Variants in DMRT1 observed in about 807,000 individuals in gnomAD.
DMRT1 encodes doublesex and mab-3 related transcription factor 1.
DMRT1 carries 7 observed loss-of-function variants against 32.3 expected under a neutral mutation model. That is an observed-to-expected ratio of 0.22 (90% confidence interval 0.12 to 0.41). The LOEUF (loss-of-function observed/expected upper bound fraction) is 0.41. Among genes scored for constraint, DMRT1 ranks in the 10% least tolerant of loss-of-function variants. The probability of loss-of-function intolerance (pLI) is 1.00; values close to 1 mark genes in which losing one functional copy is unlikely to be tolerated. For missense variants in DMRT1, 625 were observed against 500.5 expected, an observed-to-expected ratio of 1.25 and a Z score of -2.37; for synonymous variants, 278 against 206.1, an observed-to-expected ratio of 1.35 and a Z score of -2.99.
At chr9:939,706 G>C (rs1436802393) in intron 4 of DMRT1, among the ~76,000 whole-genome samples, 1 of 152,082 alleles carries the variant, frequency 6.6e-6, no homozygotes, top group Non-Finnish European at 1.5e-5. Flanking sequence ...AGCTCACGGG[G>C]GGAAAAGTCA....
intron 2 of DMRT1, among the ~76,000 whole-genome samples, chr9:868,222 G>T (rs1349740561): frequency 6.6e-6 from 1 of 152,170 alleles, no homozygotes; most frequent in African/African-American, 2.4e-5. Flanking sequence ...CAAGCGATCT[G>T]CCTGTTTCTG....
intron 2 of DMRT1, among the ~76,000 whole-genome samples, chr9:883,138 T>C (rs147536781): frequency 6.6e-6 from 1 of 152,062 alleles, no homozygotes; most frequent in East Asian, 1.9e-4. Context: ...CTGTCCCACA[T>C]TGACGCTGCA....
chr9:906,389 T>C (rs1817779301), intron 3 of DMRT1, among the ~76,000 whole-genome samples: 1 of 152,254 alleles, frequency 6.6e-6, no homozygotes. Context: ...AGTATCCTAA[T>C]GTTTCTGACA....
chr9:880,724 CAAAAAA>C (rs754419367), intron 2 of DMRT1, among the ~76,000 whole-genome samples: 4 of 62,100 alleles, frequency 6.4e-5, no homozygotes, highest in African/African-American at 1.5e-4. Flanking sequence ...AACTCAGTCT[CAAAAAA>C]AAAAAAAAAA....
At chr9:888,722 C>G (rs1037288487) in intron 2 of DMRT1, among the ~76,000 whole-genome samples, 6 of 142,320 alleles carry the variant, frequency 4.2e-5, no homozygotes, top group African/African-American at 1.7e-4. Flanking sequence ...AGGACTGTCA[C>G]AGCGATGCAG....
chr9:899,180 A>G (rs554989163), intron 3 of DMRT1, among the ~76,000 whole-genome samples: 2 of 152,306 alleles, frequency 1.3e-5, no homozygotes, highest in East Asian at 1.9e-4. Flanking sequence ...AAAAAAATCA[A>G]TATTTTAAAA....
chr9:922,504 T>C (rs1818387748), intron 4 of DMRT1, among the ~76,000 whole-genome samples: 1 of 152,202 alleles, frequency 6.6e-6, no homozygotes, highest in African/African-American at 2.4e-5. Flanking sequence ...TAGAGGTGGG[T>C]GGCACTGCAC....
In DMRT1 at chr9:937,333, C is replaced by T. The variant is rs1353154335; in HGVS notation, c.967+20426C>T. Among the ~76,000 whole-genome samples, 3 of 152,200 alleles carry T rather than the reference C, an allele frequency of 2.0e-5. No individual in the cohort carries two copies. The East Asian group carries it at 5.8e-4, about 29-fold the overall frequency. On this transcript the variant is annotated intron_variant, in intron 4 of 4. Coordinates refer to ENST00000382276, the MANE Select transcript of DMRT1 (RefSeq NM_021951.3). The stretch of plus-strand genomic sequence containing the variant: ...GGTGTACAAGTATCTGTGTGAGTAC[C>T]TGCTTTCAGTTCTTCTGGATATATA...
intron 2 of DMRT1, among the ~76,000 whole-genome samples, chr9:878,777 C>G (rs1816614193): frequency 6.6e-6 from 1 of 152,184 alleles, no homozygotes; most frequent in Admixed American, 6.5e-5. Flanking sequence ...ATTGAGCACT[C>G]AACACGTGGC....
At position 968,220 on chromosome 9, in the gene DMRT1, T is replaced by C. The variant is rs568712060; in HGVS notation, c.*81T>C. 12 of 1,519,000 alleles carry C rather than the reference T, an allele frequency of 7.9e-6. No homozygotes were observed. The South Asian group carries it at 1.4e-4, about 18-fold the overall frequency. 94.1% of individuals were successfully genotyped at this position (1,519,000 alleles called of 1,614,324 possible). On this transcript the variant is annotated 3_prime_UTR_variant, in exon 5 of 5. Transcript: ENST00000382276. ...CATGGGGTTTGTTAATATTTTGCAT[T>C]GACTCATACTATCTTAACTGTTGAG...
intron 2 of DMRT1, among the ~76,000 whole-genome samples, chr9:893,668 C>A (rs1005383320): frequency 6.6e-6 from 1 of 152,232 alleles, no homozygotes; most frequent in East Asian, 1.9e-4. Context: ...ATTAAAATCA[C>A]CTCTAAAATG....
intron 3 of DMRT1, among the ~76,000 whole-genome samples, chr9:915,500 G>GCCACTC (rs1051982091): frequency 6.6e-6 from 1 of 151,930 alleles, no homozygotes; most frequent in East Asian, 1.9e-4. Context: ...ACATGCAGCT[G>GCCACTC]CCACTGGAGG....
chr9:937,295 T>C (rs982968129), intron 4 of DMRT1, among the ~76,000 whole-genome samples: 1 of 152,260 alleles, frequency 6.6e-6, no homozygotes, highest in Non-Finnish European at 1.5e-5. Flanking sequence ...GAAATAATGC[T>C]GCTGTGAAGT....
At chr9:876,303 C>A (rs567089857) in intron 2 of DMRT1, among the ~76,000 whole-genome samples, 14 of 150,980 alleles carry the variant, frequency 9.3e-5, no homozygotes, top group African/African-American at 3.5e-4. Flanking sequence ...AAGTCAGGGG[C>A]TTTGGGCCAG....
intron 4 of DMRT1, among the ~76,000 whole-genome samples, chr9:919,019 G>A (rs1156385272): frequency 6.6e-6 from 1 of 152,154 alleles, no homozygotes; most frequent in Non-Finnish European, 1.5e-5. Context: ...AGCCCTTCTG[G>A]GAGGTGGGGC....
chr9:852,576 T>A (rs1252090550), intron 2 of DMRT1, among the ~76,000 whole-genome samples: 1 of 152,212 alleles, frequency 6.6e-6, no homozygotes, highest in Non-Finnish European at 1.5e-5. Flanking sequence ...CATAGTTCTC[T>A]TCCTCTCCTT....
chr9:968,196 A>G lies in DMRT1; in HGVS notation c.*57A>G, dbSNP rs1356806520. ...GAGTAACAGGCTTATTCCACTTTCC[A>G]TGGGGTTTGTTAATATTTTGCATTG... is the stretch of plus-strand genomic sequence containing the variant. On this transcript the variant is annotated 3_prime_UTR_variant, in exon 5 of 5. Coordinates refer to ENST00000382276, the MANE Select transcript of DMRT1 (RefSeq NM_021951.3). 1 of 1,600,756 alleles carries G rather than the reference A, an allele frequency of 6.2e-7. No individual in the cohort carries two copies. Among genetic ancestry groups the G allele is most frequent in the Non-Finnish European group, 8.5e-7 (1 of 1,172,466 alleles).
chr9:958,511 C>T (rs1220626118), intron 4 of DMRT1, among the ~76,000 whole-genome samples: 3 of 152,098 alleles, frequency 2.0e-5, no homozygotes, highest in East Asian at 1.9e-4. Flanking sequence ...GGATTACAGG[C>T]GCACACCACC....
At chr9:953,229 T>A (rs112812304) in intron 4 of DMRT1, among the ~76,000 whole-genome samples, 1 of 150,782 alleles carries the variant, frequency 6.6e-6, no homozygotes, top group African/African-American at 2.5e-5. Context: ...CGGCCACCCC[T>A]TATCTATTTT....
Sources: allele counts gnomAD v4.1 joint callset (sites outside exome capture counted in the v4.1 genomes callset), GRCh38; gene constraint gnomAD v4.1.1; transcripts MANE v1.5; gene names NCBI Gene and HGNC (gene_info 2026-07-23, HGNC 2026-07-21).